Variants in KLF12 observed in about 807,000 individuals in gnomAD.
KLF12 encodes Krueppel-like factor 12.
KLF12 carries 9 observed loss-of-function variants against 37.8 expected under a neutral mutation model. The observed-to-expected ratio is 0.24, with a 90% CI of 0.14 to 0.42. The LOEUF (loss-of-function observed/expected upper bound fraction) is 0.42. KLF12 is among the 10% of genes least tolerant of loss of function. The pLI is 1.00. For synonymous variants in KLF12, 208 were observed against 202.1 expected (o/e 1.03, Z -0.25); for missense variants, 411 against 516.0 (o/e 0.80, Z 1.97).
At chr13:73,958,533 G>A (rs1001744114) in intron 2 of KLF12, among the ~76,000 whole-genome samples, 3 of 152,078 alleles carry the variant, frequency 2.0e-5, no homozygotes, top group African/African-American at 7.2e-5. Context: ...GTGAGCCACT[G>A]TGCCCAGCCA....
chr13:73,830,564 C>T (rs557495666), intron 4 of KLF12, among the ~76,000 whole-genome samples: 1 of 152,178 alleles, frequency 6.6e-6, no homozygotes, highest in South Asian at 2.1e-4. Flanking sequence ...TGATTATTAG[C>T]TATTGGCTAG....
chr13:73,788,274 C>A (rs1881473256), intron 5 of KLF12, among the ~76,000 whole-genome samples: 1 of 152,122 alleles, frequency 6.6e-6, no homozygotes, highest in Non-Finnish European at 1.5e-5. Context: ...TATTTTAAAT[C>A]CGTTTCAAAG....
chr13:73,898,790 ATCCT>A (rs1887906466), intron 3 of KLF12, among the ~76,000 whole-genome samples: 1 of 152,226 alleles, frequency 6.6e-6, no homozygotes, highest in Non-Finnish European at 1.5e-5. Flanking sequence ...CTTATTGATT[ATCCT>A]TCCATTTATC....
At chr13:74,279,668 A>C in the KLF12 span, among the ~76,000 whole-genome samples, 2 of 152,204 alleles carry the variant, frequency 1.3e-5, no homozygotes, top group Non-Finnish European at 2.9e-5. Flanking sequence ...ATGGTAAAAC[A>C]CATGTCAGTT....
At chr13:74,288,616 G>T in the KLF12 span, among the ~76,000 whole-genome samples, 1 of 152,176 alleles carries the variant, frequency 6.6e-6, no homozygotes, top group Non-Finnish European at 1.5e-5. Context: ...GAAGGGCTAG[G>T]ATTAGGCAGA....
chr13:74,143,145 T>G, the KLF12 span, among the ~76,000 whole-genome samples: 1 of 151,410 alleles, frequency 6.6e-6, no homozygotes, highest in East Asian at 1.9e-4. Flanking sequence ...CTATTCCGTC[T>G]TCTTCTCCTT....
At chr13:73,765,099 G>A in intron 5 of KLF12, 99 bp from the exon 6 acceptor site, 1 of 690,320 alleles carries the variant, frequency 1.4e-6, no homozygotes, top group Non-Finnish European at 2.4e-6. Context: ...TTTTAGAATT[G>A]CTTAATACAA....
chr13:73,996,856 G>C (rs1892135243), intron 1 of KLF12, among the ~76,000 whole-genome samples: 1 of 152,126 alleles, frequency 6.6e-6, no homozygotes, highest in African/African-American at 2.4e-5. Flanking sequence ...ACCGCACTTA[G>C]CTGTACCAAT....
chr13:73,827,121 G>A (rs1883892163), intron 4 of KLF12, among the ~76,000 whole-genome samples: 1 of 152,046 alleles, frequency 6.6e-6, no homozygotes, highest in Admixed American at 6.6e-5. Context: ...ATTTAACATT[G>A]TATTTTTGAG....
the KLF12 span, among the ~76,000 whole-genome samples, chr13:74,253,150 G>T: frequency 2.0e-5 from 3 of 152,104 alleles, no homozygotes; most frequent in Non-Finnish European, 4.4e-5. Flanking sequence ...TATGCTTTTA[G>T]AGTTTAATAA....
chr13:74,168,286 AC>A, the KLF12 span, among the ~76,000 whole-genome samples: 1 of 152,048 alleles, frequency 6.6e-6, no homozygotes, highest in Non-Finnish European at 1.5e-5. Context: ...GCAAGGGGAC[AC>A]CCCCTTCAGC....
intron 3 of KLF12, among the ~76,000 whole-genome samples, chr13:73,855,472 A>T (rs1191214366): frequency 6.6e-6 from 1 of 152,216 alleles, no homozygotes; most frequent in Non-Finnish European, 1.5e-5. Flanking sequence ...TATATGTACC[A>T]CATTTCCTTT....
At chr13:74,226,703 G>A in the KLF12 span, among the ~76,000 whole-genome samples, 1 of 152,220 alleles carries the variant, frequency 6.6e-6, no homozygotes, top group Admixed American at 6.5e-5. Context: ...GTATCAAAAT[G>A]AGTCTGCACA....
intron 3 of KLF12, among the ~76,000 whole-genome samples, chr13:73,881,340 TC>T (rs1259982750): frequency 2.0e-5 from 3 of 152,144 alleles, no homozygotes; most frequent in Admixed American, 6.5e-5. Context: ...AATAATTGCT[TC>T]CATTTCTTTA....
intron 3 of KLF12, among the ~76,000 whole-genome samples, chr13:73,919,009 C>T (rs1253300585): frequency 6.6e-6 from 1 of 152,120 alleles, no homozygotes; most frequent in Non-Finnish European, 1.5e-5. Context: ...ACAAGCTAAA[C>T]GGGTACCCTG....
At chr13:73,897,381 T>TAGAG (rs1194718973) in intron 3 of KLF12, among the ~76,000 whole-genome samples, 3 of 152,188 alleles carry the variant, frequency 2.0e-5, no homozygotes, top group African/African-American at 4.8e-5. Flanking sequence ...GTCAAATCTC[T>TAGAG]ATTTGACATA....
At chr13:74,275,883 T>TCA in the KLF12 span, among the ~76,000 whole-genome samples, 1 of 61,202 alleles carries the variant, frequency 1.6e-5, no homozygotes, top group African/African-American at 1.0e-4. Context: ...TCTTTCTTCT[T>TCA]TCTTTCTTTC....
At chr13:73,845,507 G>A (rs1884963720) in intron 4 of KLF12, among the ~76,000 whole-genome samples, 1 of 152,168 alleles carries the variant, frequency 6.6e-6, no homozygotes, top group Non-Finnish European at 1.5e-5. Context: ...GTTCACCATA[G>A]ATTGCCCTTT....
the KLF12 span, among the ~76,000 whole-genome samples, chr13:74,302,543 A>G: frequency 1.3e-5 from 2 of 152,286 alleles, no homozygotes; most frequent in East Asian, 3.9e-4. Flanking sequence ...AATAAAAGGA[A>G]GACTGAAGAA....
Sources: gnomAD v4.1 joint callset for allele counts (sites outside exome capture counted in the v4.1 genomes callset) on GRCh38, gnomAD v4.1.1 for gene constraint, MANE v1.5 for transcripts, NCBI Gene and HGNC (gene_info 2026-07-23, HGNC 2026-07-21) for gene names.